The following EIF2AK4 variants were observed in gnomAD, a reference collection of about 807,000 sequenced individuals.
EIF2AK4 encodes the protein eIF-2-alpha kinase GCN2.
EIF2AK4 carries 139 observed loss-of-function variants against 211.1 expected under a neutral mutation model. The ratio of observed to expected loss-of-function variants is 0.66; its 90% CI spans 0.57 to 0.76. EIF2AK4 has a LOEUF of 0.76. Among genes scored for constraint, EIF2AK4 ranks in the 30% least tolerant of loss-of-function variants. The pLI is 0.00. For missense variants in EIF2AK4, 1,664 were observed against 2,043.8 expected, an observed-to-expected ratio of 0.81 and a Z score of 3.58; for synonymous variants, 710 against 751.3, an observed-to-expected ratio of 0.94 and a Z score of 0.90.
Position 39,955,690 on chromosome 15 carries a change from C to T in EIF2AK4, c.665C>T (p.Thr222Met), listed in dbSNP as rs763789806. 13 of 1,613,202 alleles carry T rather than the reference C, an allele frequency of 8.1e-6. No homozygotes were observed. The Middle Eastern group carries it at 5.0e-4, about 61-fold the overall frequency. Reference sequence around the variant, plus strand: ...AAGAAGGACCCAGGAGGACACAGAACGGCTGCCATTCTACATGGAGGCTCT... The same window carrying T: ...AAGAAGGACCCAGGAGGACACAGAATGGCTGCCATTCTACATGGAGGCTCT... ...TSKKDPGGHR[T>M]AAILHGGSPD... Residue 222 changes from threonine (T) to methionine (M), a missense_variant, in exon 6 of 39, where the codon ACG becomes ATG. By Grantham distance (81) the Thr-to-Met change is moderately conservative (BLOSUM62 -1). Transcript: ENST00000263791.
chr15:39,934,187 A>C lies in EIF2AK4; in HGVS notation c.-9A>C, dbSNP rs1440287751. The C allele has an allele frequency of 6.6e-7, 1 of 1,520,068 alleles. No individual in the cohort carries two copies. Among genetic ancestry groups the C allele is most frequent in the Middle Eastern group, 1.8e-4 (1 of 5,664 alleles). The allele number at this position is 1,520,068 out of a possible 1,614,324, so 94.2% of individuals were successfully genotyped here. A position where few individuals can be genotyped will look rare whatever the true frequency, so the allele number is the denominator to read the frequency against. On this transcript the variant is annotated 5_prime_UTR_variant, in exon 1 of 39. Transcript: ENST00000263791. ...GGCAAGGCCGCCCTGCCTTGGGCGC[A>C]GCGCTGCCATGGCTGGGGGCCGTGG...
At chr15:40,021,603 T>C (rs1453765369) in intron 31 of EIF2AK4, 1 of 152,468 alleles carries the variant, frequency 6.6e-6, no homozygotes, top group Non-Finnish European at 1.5e-5. Context: ...CAGTGCTTAG[T>C]GTGTTTTGGG....
At chr15:39,984,940 G>A (rs1310869912) in intron 13 of EIF2AK4, among the ~76,000 whole-genome samples, 1 of 152,210 alleles carries the variant, frequency 6.6e-6, no homozygotes, top group African/African-American at 2.4e-5. Flanking sequence ...GATTTTCAAA[G>A]GGAATGCTTC....
intron 3 of EIF2AK4, 147 bp from the exon 4 acceptor site, chr15:39,948,969 C>G (rs1426852310): frequency 1.8e-5 from 16 of 912,196 alleles, no homozygotes; most frequent in Non-Finnish European, 2.5e-5. Context: ...TATCATATAC[C>G]GAATTCAGAG....
Position 40,035,468 on chromosome 15 carries a change from A to T in EIF2AK4, c.*384A>T, listed in dbSNP as rs1006083736. On this transcript the variant is annotated 3_prime_UTR_variant, in exon 39 of 39. Transcript: ENST00000263791. ...GGACAACAGAGCAAGACCCTGTCTTAAAAAAAAAAAGAAAAAAAAAATTTT... is the reference window on the plus strand; with the variant it reads ...GGACAACAGAGCAAGACCCTGTCTTTAAAAAAAAAAGAAAAAAAAAATTTT... The T allele has an allele frequency of 2.5e-4, 37 of 148,188 alleles. No individual in the cohort carries two copies. Among genetic ancestry groups the T allele is most frequent in the African/African-American group, 8.8e-4 (35 of 39,898 alleles). The allele number at this position is 148,188 out of a possible 1,614,324, so 9.2% of individuals were successfully genotyped here.
At chr15:40,025,606 T>C (rs886931012) in intron 32 of EIF2AK4, among the ~76,000 whole-genome samples, 1 of 152,036 alleles carries the variant, frequency 6.6e-6, no homozygotes, top group Non-Finnish European at 1.5e-5. Flanking sequence ...GGGGAAGATG[T>C]TAAAGAATCA....
chr15:39,971,532 TAATAA>T (rs924188285), intron 9 of EIF2AK4, among the ~76,000 whole-genome samples: 2 of 151,862 alleles, frequency 1.3e-5, no homozygotes, highest in Admixed American at 1.3e-4. Flanking sequence ...CTTCGTCTCA[TAATAA>T]AATAAAATAA....
intron 6 of EIF2AK4, 145 bp from the exon 7 acceptor site, chr15:39,961,639 C>T (rs747160211): frequency 1.6e-6 from 1 of 609,602 alleles, no homozygotes; most frequent in Non-Finnish European, 2.8e-6. Flanking sequence ...AGATGTTAGA[C>T]TGCGAGTGGG....
chr15:40,005,130 C>T (rs991423296), intron 23 of EIF2AK4, among the ~76,000 whole-genome samples: 2 of 152,166 alleles, frequency 1.3e-5, no homozygotes, highest in Non-Finnish European at 2.9e-5. Context: ...GGAGGATGCG[C>T]ATAGGCTATA....
intron 6 of EIF2AK4, among the ~76,000 whole-genome samples, chr15:39,961,155 T>C (rs2034466675): frequency 1.3e-5 from 2 of 152,154 alleles, no homozygotes; most frequent in African/African-American, 4.8e-5. Flanking sequence ...TTTAAGTGTT[T>C]TGGAGAAGTC....
intron 27 of EIF2AK4, among the ~76,000 whole-genome samples, chr15:40,013,582 A>G (rs1567005246): frequency 2.0e-5 from 3 of 152,328 alleles, no homozygotes; most frequent in South Asian, 4.1e-4. Context: ...GCAGAAGGCA[A>G]AGAGAGAGAA....
At chr15:39,961,469 A>G (rs1018538136) in intron 6 of EIF2AK4, among the ~76,000 whole-genome samples, 5 of 152,232 alleles carry the variant, frequency 3.3e-5, no homozygotes, top group Admixed American at 3.3e-4. Flanking sequence ...GCTACTGCAC[A>G]TGAGCTGAAT....
At chr15:39,993,514 C>T (rs982894384) in intron 18 of EIF2AK4, among the ~76,000 whole-genome samples, 2 of 152,168 alleles carry the variant, frequency 1.3e-5, no homozygotes, top group East Asian at 3.8e-4. Flanking sequence ...TGGGGGCTGA[C>T]ACATGCCAGG....
chr15:40,034,997 T>C, intron 38 of EIF2AK4, 30 bp from the exon 39 acceptor site: 1 of 1,548,688 alleles, frequency 6.5e-7, no homozygotes, highest in South Asian at 1.2e-5. Flanking sequence ...AAACTGAGTC[T>C]GTCCTTATAT....
chr15:39,946,814 G>T (rs2034234419), intron 3 of EIF2AK4: 15 of 596,072 alleles, frequency 2.5e-5, no homozygotes, highest in Non-Finnish European at 4.2e-5. Context: ...AAAACCCTCT[G>T]TCTGCAAAAA....
Position 39,981,631 on chromosome 15 carries a change from G to A in EIF2AK4, c.2319+3484G>A, listed in dbSNP as rs570706871. Among the ~76,000 whole-genome samples, 95 of 151,184 alleles carry A rather than the reference G, an allele frequency of 6.3e-4. 1 individual carries two copies. The highest frequency in any genetic ancestry group is 1.3e-3 in the Non-Finnish European group (86 of 67,770). ...AGCTTTTTTTTTTTTCTTTGATAAA[G>A]GAAAAAGTTCAAAAAAATTCTTCCT... On this transcript the variant is annotated intron_variant, in intron 13 of 38. Coordinates refer to ENST00000263791, the MANE Select transcript of EIF2AK4 (RefSeq NM_001013703.4).
At chr15:39,946,785 C>T in intron 3 of EIF2AK4, 2 of 626,416 alleles carry the variant, frequency 3.2e-6, no homozygotes, top group Non-Finnish European at 5.7e-6. Context: ...CTTGATCAGT[C>T]AGCAGCCATC....
intron 36 of EIF2AK4, 42 bp downstream of exon 36, chr15:40,032,279 A>G (rs752770674): frequency 1.1e-5 from 17 of 1,574,992 alleles, no homozygotes; most frequent in African/African-American, 4.0e-5. Flanking sequence ...GCTTCTGTCC[A>G]TACTGTCAAA....
At position 39,992,246 on chromosome 15, in the gene EIF2AK4, A is replaced by G; in HGVS notation, c.2686+17A>G. On this transcript the variant is annotated intron_variant, in intron 17 of 38. Transcript: ENST00000263791. ...ACCCTTCAGGTAAACCCAGAAGACT[A>G]TATATTTCATCCATGTGTTAAAGAC... is the stretch of plus-strand genomic sequence containing the variant. The G allele has an allele frequency of 1.3e-6, 2 of 1,592,442 alleles. No homozygotes were observed. Among genetic ancestry groups the G allele is most frequent in the Middle Eastern group, 1.7e-4 (1 of 6,000 alleles).
Sources: gnomAD v4.1 joint callset for allele counts (sites outside exome capture counted in the v4.1 genomes callset) on GRCh38, gnomAD v4.1.1 for gene constraint, MANE v1.5 for transcripts, NCBI Gene and HGNC (gene_info 2026-07-23, HGNC 2026-07-21) for gene names.